MAP2K1: variants seen among roughly 807,000 people sequenced by gnomAD.
MAP2K1 encodes the protein mitogen-activated protein kinase kinase 1.
Under a neutral mutation model 46.3 loss-of-function variants are expected in MAP2K1, and 16 were observed. The ratio of observed to expected loss-of-function variants is 0.35; its 90% CI spans 0.23 to 0.52. MAP2K1 has a LOEUF of 0.52. Ranked by LOEUF, MAP2K1 falls within the 20% of genes least tolerant of loss-of-function variation. MAP2K1 has a pLI of 0.94. For missense variants in MAP2K1, 263 were observed against 497.1 expected (o/e 0.53, Z 4.48); for synonymous variants, 183 against 185.6 (o/e 0.99, Z 0.11).
intron 1 of MAP2K1, among the ~76,000 whole-genome samples, chr15:66,398,374 C>T (rs2093373285): frequency 6.6e-6 from 1 of 152,162 alleles, no homozygotes; most frequent in Admixed American, 6.5e-5. Flanking sequence ...GTAATCGTGC[C>T]ACTGCACTCT....
At chr15:66,466,113 A>AG (rs1467481479) in intron 5 of MAP2K1, among the ~76,000 whole-genome samples, 1 of 151,850 alleles carries the variant, frequency 6.6e-6, no homozygotes, top group African/African-American at 2.4e-5. Flanking sequence ...ACAAGGTATG[A>AG]GGCCAGTTTT....
intron 1 of MAP2K1, among the ~76,000 whole-genome samples, chr15:66,430,017 C>T (rs992988093): frequency 5.3e-5 from 8 of 152,150 alleles, no homozygotes; most frequent in Non-Finnish European, 1.0e-4. Context: ...CTCCTCTCCT[C>T]CTTCCCATAT....
At chr15:66,477,710 G>A (rs28710158) in intron 5 of MAP2K1, among the ~76,000 whole-genome samples, 39,836 of 152,066 alleles carry the variant, frequency 0.26, 5,870 homozygotes, top group South Asian at 0.32. Context: ...CAGCCCATGG[G>A]GAGAGTGTGG....
intron 1 of MAP2K1, among the ~76,000 whole-genome samples, chr15:66,428,042 G>A (rs2093463904): frequency 6.6e-6 from 1 of 152,064 alleles, no homozygotes; most frequent in Admixed American, 6.6e-5. Flanking sequence ...CCAACTTGAC[G>A]TGGCTATTCA....
At chr15:66,387,578 C>G (rs2093344990) in intron 1 of MAP2K1, 151 bp downstream of exon 1, 3 of 763,470 alleles carry the variant, frequency 3.9e-6, no homozygotes, top group South Asian at 1.6e-5. Flanking sequence ...GTATCGGTGA[C>G]TAAGCACTGA....
chr15:66,437,150 T>G (rs2093490502), intron 3 of MAP2K1, among the ~76,000 whole-genome samples: 2 of 152,198 alleles, frequency 1.3e-5, no homozygotes. Flanking sequence ...CTCATAGTTT[T>G]TTTGATTCTG....
At chr15:66,405,977 C>G (rs2093395735) in intron 1 of MAP2K1, among the ~76,000 whole-genome samples, 1 of 152,232 alleles carries the variant, frequency 6.6e-6, no homozygotes, top group Non-Finnish European at 1.5e-5. Flanking sequence ...TGAATGCAAG[C>G]AGCTGCCTAT....
At chr15:66,469,512 C>T (rs1595878984) in intron 5 of MAP2K1, among the ~76,000 whole-genome samples, 1 of 114,292 alleles carries the variant, frequency 8.7e-6, no homozygotes, top group African/African-American at 3.5e-5. Context: ...TGAGGAACTC[C>T]AGGCTATTAT....
intron 1 of MAP2K1, among the ~76,000 whole-genome samples, chr15:66,421,035 T>C (rs1005416772): frequency 6.7e-6 from 1 of 149,440 alleles, no homozygotes; most frequent in Non-Finnish European, 1.5e-5. Context: ...TTTTTATATG[T>C]ACAATTTTAT....
intron 1 of MAP2K1, among the ~76,000 whole-genome samples, chr15:66,425,003 TC>T (rs2140562129): frequency 6.6e-6 from 1 of 151,834 alleles, no homozygotes; most frequent in South Asian, 2.1e-4. Flanking sequence ...TCCATGTTCG[TC>T]AGGCTGTTCT....
At chr15:66,407,355 T>C (rs2140532651) in intron 1 of MAP2K1, among the ~76,000 whole-genome samples, 1 of 152,168 alleles carries the variant, frequency 6.6e-6, no homozygotes, top group Admixed American at 6.5e-5. Flanking sequence ...TAACCACTCT[T>C]CCAGAGGGTC....
At chr15:66,432,814 G>A (rs2093478045) in intron 1 of MAP2K1, among the ~76,000 whole-genome samples, 1 of 152,192 alleles carries the variant, frequency 6.6e-6, no homozygotes, top group Non-Finnish European at 1.5e-5. Flanking sequence ...TCACCTGTCT[G>A]TGCTTGAGTT....
rs531268377 is a variant in MAP2K1, at chr15:66,473,803, G to C, written c.569-7952G>C. Among the ~76,000 whole-genome samples the C allele has an allele frequency of 3.9e-5, 6 of 152,132 alleles. No homozygotes were observed. In the South Asian group the frequency reaches 1.2e-3, roughly 32 times the overall value. ...ATGAGTTCTCATGCCTCAGCCTCCT[G>C]AGTAGCTGGGACTACCGGTGCACAC... On this transcript the variant is annotated intron_variant, in intron 5 of 10. Transcript: ENST00000307102.
intron 1 of MAP2K1, among the ~76,000 whole-genome samples, chr15:66,428,853 T>TA (rs1020788391): frequency 6.8e-6 from 1 of 146,180 alleles, no homozygotes; most frequent in African/African-American, 2.6e-5. Flanking sequence ...GATCTTGGCT[T>TA]ACTGCGACCT....
chr15:66,414,850 C>T (rs12914079), intron 1 of MAP2K1: 30,845 of 246,668 alleles, frequency 0.13, 2,252 homozygotes, highest in Non-Finnish European at 0.15. Context: ...TGAAAGGATT[C>T]AGCAACGATC....
intron 1 of MAP2K1, among the ~76,000 whole-genome samples, chr15:66,417,559 A>C (rs1271386565): frequency 2.0e-5 from 3 of 152,086 alleles, no homozygotes; most frequent in Non-Finnish European, 4.4e-5. Context: ...TGCGCAACAA[A>C]ATGAGACCCT....
chr15:66,414,346 A>T lies in MAP2K1; in HGVS notation c.81-20681A>T, dbSNP rs1172941745. The stretch of plus-strand genomic sequence containing the variant: ...TTTTCACTATCCTCTCAGGTTCCAT[A>T]GTTTGCTAGAGCAATTCACAGAACT... On this transcript the variant is annotated intron_variant, in intron 1 of 10. Transcript: ENST00000307102. Among the ~76,000 whole-genome samples, 3 of 152,086 alleles carry T rather than the reference A, an allele frequency of 2.0e-5. 1 individual carries two copies. Among genetic ancestry groups the T allele is most frequent in the Non-Finnish European group, 4.4e-5 (3 of 68,022 alleles).
intron 1 of MAP2K1, among the ~76,000 whole-genome samples, chr15:66,391,039 A>G (rs2093355106): frequency 6.9e-6 from 1 of 145,320 alleles, no homozygotes; most frequent in South Asian, 2.2e-4. Flanking sequence ...CCTCTTTGTC[A>G]TGTCACCTGA....
At chr15:66,395,343 C>G (rs1375905601) in intron 1 of MAP2K1, among the ~76,000 whole-genome samples, 3 of 152,102 alleles carry the variant, frequency 2.0e-5, no homozygotes, top group Non-Finnish European at 4.4e-5. Context: ...CTGGAATTGT[C>G]AAAGCAAAAC....
Sources: gnomAD v4.1 joint callset for allele counts (sites outside exome capture counted in the v4.1 genomes callset) on GRCh38, gnomAD v4.1.1 for gene constraint, MANE v1.5 for transcripts, NCBI Gene and HGNC (gene_info 2026-07-23, HGNC 2026-07-21) for gene names.